IL1RL2: variants seen among roughly 807,000 people sequenced by gnomAD.
IL1RL2 encodes the protein interleukin-1 receptor-like 2.
Under a neutral mutation model 66.8 loss-of-function variants are expected in IL1RL2, and 68 were observed. The ratio of observed to expected loss-of-function variants is 1.02; its 90% CI spans 0.84 to 1.25. IL1RL2 has a LOEUF of 1.25. IL1RL2 is among the 50% of genes most tolerant of loss of function. IL1RL2 has a pLI of 0.00. For synonymous variants in IL1RL2, 305 were observed against 264.6 expected (o/e 1.15, Z -1.48); for missense variants, 729 against 709.3 (o/e 1.03, Z -0.32).
At chr2:102,235,671 G>A (rs1674813210) in intron 11 of IL1RL2, 1 of 985,356 alleles carries the variant, frequency 1.0e-6, no homozygotes, top group Non-Finnish European at 1.2e-6. Context: ...TGCTGTCGGG[G>A]GACCACAGGA....
At chr2:102,204,934 T>C (rs564676145) in intron 5 of IL1RL2, among the ~76,000 whole-genome samples, 1 of 152,136 alleles carries the variant, frequency 6.6e-6, no homozygotes, top group East Asian at 1.9e-4. Flanking sequence ...TCCTCCTTTC[T>C]TTCCTTCCTG....
At chr2:102,206,069 C>T (rs1275481518) in intron 5 of IL1RL2, among the ~76,000 whole-genome samples, 1 of 151,960 alleles carries the variant, frequency 6.6e-6, no homozygotes, top group Non-Finnish European at 1.5e-5. Flanking sequence ...TTTTCATTTC[C>T]AGAATTTCTG....
At chr2:102,219,679 C>T (rs1689926458) in intron 7 of IL1RL2, among the ~76,000 whole-genome samples, 1 of 152,106 alleles carries the variant, frequency 6.6e-6, no homozygotes, top group Non-Finnish European at 1.5e-5. Context: ...AACCATACTT[C>T]CTTGTCACCA....
At chr2:102,200,984 A>ATAT (rs1183916004) in intron 4 of IL1RL2, among the ~76,000 whole-genome samples, 2 of 152,118 alleles carry the variant, frequency 1.3e-5, no homozygotes, top group African/African-American at 2.4e-5. Context: ...GGACTTCTAT[A>ATAT]AAGTCCAATG....
chr2:102,196,556 C>G (rs1324790421), intron 4 of IL1RL2, among the ~76,000 whole-genome samples: 1 of 152,170 alleles, frequency 6.6e-6, no homozygotes, highest in Non-Finnish European at 1.5e-5. Flanking sequence ...TACAATTTAT[C>G]AGAGGAAGCA....
intron 9 of IL1RL2, 140 bp from the exon 10 acceptor site, chr2:102,232,823 C>A (rs1691252335): frequency 2.4e-6 from 2 of 838,980 alleles, no homozygotes; most frequent in Non-Finnish European, 3.7e-6. Context: ...CAGCCCCTGG[C>A]ACCAAGTCAG....
At chr2:102,213,289 A>G (rs1312066867) in intron 6 of IL1RL2, among the ~76,000 whole-genome samples, 2 of 152,226 alleles carry the variant, frequency 1.3e-5, no homozygotes, top group South Asian at 2.1e-4. Context: ...AGAAACATCT[A>G]TGAAAAACCA....
At chr2:102,233,432 G>T (rs1691329023) in intron 10 of IL1RL2, among the ~76,000 whole-genome samples, 5 of 152,190 alleles carry the variant, frequency 3.3e-5, no homozygotes, top group Admixed American at 2.6e-4. Context: ...TGATGTAGTG[G>T]TGGCTAAAGG....
chr2:102,194,756 A>C (rs918045836), intron 4 of IL1RL2, among the ~76,000 whole-genome samples: 1 of 151,662 alleles, frequency 6.6e-6, no homozygotes, highest in African/African-American at 2.4e-5. Flanking sequence ...TGCTTGTGAA[A>C]ATTTTTTTTG....
intron 11 of IL1RL2, among the ~76,000 whole-genome samples, chr2:102,238,856 C>T (rs1338494281): frequency 6.6e-6 from 1 of 152,180 alleles, no homozygotes; most frequent in Non-Finnish European, 1.5e-5. Flanking sequence ...AGAAATGCTG[C>T]TGTTCACTAA....
chr2:102,230,168 G>A (rs887299477), intron 9 of IL1RL2, among the ~76,000 whole-genome samples: 1 of 151,968 alleles, frequency 6.6e-6, no homozygotes, highest in Non-Finnish European at 1.5e-5. Context: ...AGAAACCAAA[G>A]GATTAATATG....
chr2:102,240,172 G>A (rs942788221), downstream of IL1RL2, among the ~76,000 whole-genome samples: 4 of 152,042 alleles, frequency 2.6e-5, no homozygotes, highest in African/African-American at 9.7e-5. Flanking sequence ...TGAAAAGTTG[G>A]GCAAAACCCA....
chr2:102,191,295 T>C (rs1315733192), intron 3 of IL1RL2, among the ~76,000 whole-genome samples: 1 of 152,206 alleles, frequency 6.6e-6, no homozygotes, highest in African/African-American at 2.4e-5. Context: ...ATTTATTTCT[T>C]ACATAATCAT....
In IL1RL2 at chr2:102,235,001, G is replaced by A. The variant is rs1331376339; in HGVS notation, c.1402G>A (p.Glu468Lys). 4 of 1,614,196 alleles carry A rather than the reference G, an allele frequency of 2.5e-6. No individual in the cohort carries two copies. Among genetic ancestry groups the A allele is most frequent in the African/African-American group, 1.3e-5 (1 of 75,052 alleles). The change falls in exon 11 of 12, where the codon GAA becomes AAA. Residue 468 changes from glutamate (E) to lysine (K), a missense_variant. Transcript: ENST00000264257. ...TGGCCTGTTGAAGAACCTGTCAGAA[G>A]AACAAATCGCGGTCTACAGTGCCCT... ...GFGLLKNLSE[E>K]QIAVYSALIQ...
chr2:102,189,556 G>T (rs1441250740), intron 3 of IL1RL2, among the ~76,000 whole-genome samples: 1 of 152,188 alleles, frequency 6.6e-6, no homozygotes, highest in Non-Finnish European at 1.5e-5. Context: ...CACAAAGTGT[G>T]TTTGTCCCAG....
At chr2:102,219,786 T>G in intron 7 of IL1RL2, 95 bp from the exon 8 acceptor site, 2 of 1,237,374 alleles carry the variant, frequency 1.6e-6, no homozygotes, top group Non-Finnish European at 1.1e-6. Flanking sequence ...CCCAAAGTGT[T>G]CTCAAAGAAA....
rs1257271809 is a variant in IL1RL2, at chr2:102,219,038, G to T, written c.810G>T (p.Val270=). 4 of 1,613,888 alleles carry T rather than the reference G, an allele frequency of 2.5e-6. No individual in the cohort carries two copies. The highest frequency in any genetic ancestry group is 2.5e-6 in the Non-Finnish European group (3 of 1,179,824). The change falls in exon 7 of 12, where the codon GTG becomes GTT. Residue 270 remains valine, a synonymous_variant. Transcript: ENST00000264257. ...GCTGGAGAGTCAATAACACTTTGGT[G>T]GATGATTACTATGATGAATCCAAAC... The part of the protein sequence containing the change: ...LRCWRVNNTL[V]DDYYDESKRI...
At chr2:102,188,339 C>A (rs894786002) in intron 2 of IL1RL2, among the ~76,000 whole-genome samples, 53 of 152,154 alleles carry the variant, frequency 3.5e-4, no homozygotes, top group African/African-American at 1.3e-3. Flanking sequence ...AATCCCAGTA[C>A]TTTGGGAGGC....
chr2:102,189,149 C>G lies in IL1RL2; in HGVS notation c.132C>G (p.Phe44Leu). 6.2e-7 allele frequency: 1 copy of G among 1,614,046 alleles called. No homozygotes were observed. Among genetic ancestry groups the G allele is most frequent in the Non-Finnish European group, 8.5e-7 (1 of 1,179,972 alleles). The part of the protein sequence containing the change: ...ASQPFAFNCT[F>L]PPITSGEVSV... The stretch of plus-strand genomic sequence containing the variant: ...AGCCTTTTGCTTTTAATTGTACATT[C>G]CCTCCCATAACATCTGGGGAAGTCA... The change falls in exon 3 of 12, where the codon TTC becomes TTG. Residue 44 changes from phenylalanine to leucine, a missense_variant. Transcript: ENST00000264257.
Sources: gnomAD v4.1 joint callset for allele counts (sites outside exome capture counted in the v4.1 genomes callset) on GRCh38, gnomAD v4.1.1 for gene constraint, MANE v1.5 for transcripts, NCBI Gene and HGNC (gene_info 2026-07-23, HGNC 2026-07-21) for gene names.